The following BHLHE41 variants were observed in gnomAD, a reference collection of about 807,000 sequenced individuals.
BHLHE41 encodes the protein basic helix-loop-helix family member e41, also known as class E basic helix-loop-helix protein 41.
Under a neutral mutation model 24.0 loss-of-function variants are expected in BHLHE41, and 14 were observed. That is an observed-to-expected ratio of 0.58 (90% CI 0.39 to 0.91). The LOEUF (loss-of-function observed/expected upper bound fraction) is 0.91, where lower values mean the gene tolerates loss of function less well. BHLHE41 is among the 40% of genes least tolerant of loss of function. The probability of loss-of-function intolerance (pLI) is 0.00; values close to 1 mark genes in which losing one functional copy is unlikely to be tolerated. For missense variants in BHLHE41, 674 were observed against 655.4 expected (o/e 1.03, Z -0.31); for synonymous variants, 394 against 315.5 (o/e 1.25, Z -2.64).
chr12:26,122,738 C>T lies in BHLHE41; in HGVS notation c.777G>A (p.Gly259=). The T allele has an allele frequency of 6.3e-7, 1 of 1,595,908 alleles. No individual in the cohort carries two copies. Among genetic ancestry groups the T allele is most frequent in the Non-Finnish European group, 8.5e-7 (1 of 1,175,856 alleles). ...CCTGCTTGATGGTGACGCGGCTCGC[C>T]CCCGCGCCTTTGCCTTTCTCGCGGT... The part of the protein sequence containing the change: ...RPDREKGKGA[G]ASRVTIKQEP... The change falls in exon 5 of 5, where the codon GGG becomes GGA. Residue 259 remains glycine (G), a synonymous_variant. Coordinates refer to ENST00000242728, the MANE Select transcript of BHLHE41 (RefSeq NM_030762.3).
rs765207149 is a variant in BHLHE41, at chr12:26,124,527, C to T, written c.118G>A (p.Asp40Asn). The T allele has an allele frequency of 7.4e-6, 12 of 1,613,890 alleles. No individual in the cohort carries two copies. The highest frequency in any genetic ancestry group is 1.1e-5 in the South Asian group (1 of 91,056). The change falls in exon 2 of 5, where the codon GAC becomes AAC. Residue 40 changes from aspartate to asparagine, a missense_variant. Coordinates refer to ENST00000242728, the MANE Select transcript of BHLHE41 (RefSeq NM_030762.3). ...CGGGAACTTACACTTACCTTGGTGT[C>T]GTCTCGTTTCATGCTCCTTTTGGGT... Reference protein sequence around the residue: ...CKPKRSMKRDDTKDTYKLPHR... With the variant: ...CKPKRSMKRDNTKDTYKLPHR...
chr12:26,123,538 G>T (rs185157631), intron 4 of BHLHE41, 92 bp downstream of exon 4: 54 of 904,698 alleles, frequency 6.0e-5, no homozygotes, highest in Admixed American at 5.9e-4. Context: ...CCCACGGAAA[G>T]AGATGGGGTG....
Position 26,123,735 on chromosome 12 carries a change from C to G in BHLHE41, c.241G>C (p.Gly81Arg). 3 of 1,611,642 alleles carry G rather than the reference C, an allele frequency of 1.9e-6. No individual in the cohort carries two copies. Among genetic ancestry groups the G allele is most frequent in the Non-Finnish European group, 2.5e-6 (3 of 1,177,798 alleles). ...LPEHLKLTTLGHLEKAVVLEL... is the reference protein window; with the variant it reads ...LPEHLKLTTLRHLEKAVVLEL... ...AAGACTACAGCTTTCTCCAGATGTC[C>G]CAGAGTCTGCAGTGGTGCAAAAAAG... Residue 81 changes from glycine (G) to arginine (R), a missense_variant, in exon 4 of 5, where the codon GGA (glycine) becomes CGA (arginine). Coordinates refer to ENST00000242728, the MANE Select transcript of BHLHE41 (RefSeq NM_030762.3).
At position 26,122,298 on chromosome 12, in the gene BHLHE41, G is replaced by A; in HGVS notation, c.1217C>T (p.Ala406Val). ...GCAGGGGAACGCGGCGGCGGCGGCG[G>A]CAGCGGCGGCGGCGGCTGCCGCGGC... ...AAAAAAAAAA[A>V]AAAAAFPCLS... The change falls in exon 5 of 5, where the codon GCC (alanine) becomes GTC (valine). Residue 406 changes from alanine to valine, a missense_variant. By Grantham distance (64) the Ala-to-Val change is moderately conservative (BLOSUM62 0). This residue lies in a region of BHLHE41 where 602 missense variants were observed against 570.8 expected (regional missense o/e 1.05). Coordinates refer to ENST00000242728, the MANE Select transcript of BHLHE41 (RefSeq NM_030762.3). 1 of 1,186,038 alleles carries A rather than the reference G, an allele frequency of 8.4e-7. No individual in the cohort carries two copies. Among genetic ancestry groups the A allele is most frequent in the Non-Finnish European group, 1.0e-6 (1 of 959,300 alleles). 73.5% of individuals were successfully genotyped at this position (1,186,038 alleles called of 1,614,324 possible). A position where few individuals can be genotyped will look rare whatever the true frequency, so the allele number is the denominator to read the frequency against.
At position 26,121,991 on chromosome 12, in the gene BHLHE41, A is replaced by T. The variant is rs1944309428; in HGVS notation, c.*75T>A. On this transcript the variant is annotated 3_prime_UTR_variant, in exon 5 of 5. Transcript: ENST00000242728. ...GACCTTAAGGGTATTTTAACTTCTC[A>T]CTCTGCTTGAACCTCCTTAAGGGTA... 6.5e-7 allele frequency: 1 copy of T among 1,541,234 alleles called. No individual in the cohort carries two copies. Among genetic ancestry groups the T allele is most frequent in the African/African-American group, 1.4e-5 (1 of 72,328 alleles).
rs1565665003 is a variant in BHLHE41, at chr12:26,123,011, G to A, written c.504C>T (p.Ala168=). Residue 168 remains alanine (A), a synonymous_variant, in exon 5 of 5, where the codon GCC becomes GCT. Transcript: ENST00000242728. ...RCVQLINHLH[A]VATQFLPTPQ... ...GGGTGGGCAAGAACTGGGTGGCCAC[G>A]GCGTGCAAGTGGTTGATCAGCTGGA... 3 of 1,569,694 alleles carry A rather than the reference G, an allele frequency of 1.9e-6. No individual in the cohort carries two copies. The highest frequency in any genetic ancestry group is 2.6e-6 in the Non-Finnish European group (3 of 1,156,886).
rs1423078188 is a variant in BHLHE41 at position 26,123,658 on chromosome 12, C to T, written c.318G>A (p.Gln106=). 6.2e-7 allele frequency: 1 copy of T among 1,613,692 alleles called. No homozygotes were observed. The highest frequency in any genetic ancestry group is 8.5e-7 in the Non-Finnish European group (1 of 1,179,574). ...LKALTALTEQ[Q]HQKIIALQNG... ...TCTGTAAAGCAATTATCTTCTGATG[C>T]TGTTGCTCGGTTAAGGCGGTTAAAG... is the stretch of plus-strand genomic sequence containing the variant. The change falls in exon 4 of 5, where the codon CAG becomes CAA. Residue 106 remains glutamine, a synonymous_variant. Transcript: ENST00000242728.
At position 26,122,941 on chromosome 12, in the gene BHLHE41, C is replaced by T. The variant is rs372622178; in HGVS notation, c.574G>A (p.Ala192Thr). Residue 192 changes from alanine (A) to threonine (T), a missense_variant, in exon 5 of 5, where the codon GCT becomes ACT. Ala to Thr is a moderately conservative substitution (Grantham distance 58). Around this residue, in one of 3 missense-constraint regions of BHLHE41, gnomAD observed 602 missense variants for 570.8 expected, o/e 1.05. Coordinates refer to ENST00000242728, the MANE Select transcript of BHLHE41 (RefSeq NM_030762.3). ...GCCGCGGACCCGGCGGCCGAGGGAG[C>T]GCCGGTGCCTTTGCTCAGAGGGACC... Reference protein sequence around the residue: ...QQVPLSKGTGAPSAAGSAAAP... With the variant: ...QQVPLSKGTGTPSAAGSAAAP... The T allele has an allele frequency of 2.0e-5, 31 of 1,553,442 alleles. No homozygotes were observed. The highest frequency in any genetic ancestry group is 2.5e-5 in the Non-Finnish European group (29 of 1,148,116).
chr12:26,124,253 G>GCCACCCCCC, intron 2 of BHLHE41, 74 bp from the exon 3 acceptor site: 1 of 785,902 alleles, frequency 1.3e-6, no homozygotes, highest in South Asian at 1.5e-5. Context: ...ACCCTCGTCT[G>GCCACCCCCC]CCCCCCCCGC....
In BHLHE41 at chr12:26,124,804, G is replaced by C; in HGVS notation, c.-25C>G. Reference sequence around the variant, plus strand: ...TGTTCAACTGCTGTTCGTTTCCTCTGTTTCGATTTTTGGGGCTCTGTACAA... The same window carrying C: ...TGTTCAACTGCTGTTCGTTTCCTCTCTTTCGATTTTTGGGGCTCTGTACAA... On this transcript the variant is annotated 5_prime_UTR_variant, in exon 1 of 5. Transcript: ENST00000242728. The C allele has an allele frequency of 1.9e-6, 3 of 1,613,668 alleles. No homozygotes were observed. Among genetic ancestry groups the C allele is most frequent in the Non-Finnish European group, 2.5e-6 (3 of 1,179,638 alleles).
In BHLHE41 at chr12:26,122,119, G is replaced by T. The variant is rs1378450691; in HGVS notation, c.1396C>A (p.Pro466Thr). 2 of 1,549,418 alleles carry T rather than the reference G, an allele frequency of 1.3e-6. No homozygotes were observed. The highest frequency in any genetic ancestry group is 2.4e-5 in the South Asian group (2 of 83,980). Residue 466 changes from proline (P) to threonine (T), a missense_variant, in exon 5 of 5, where the codon CCG becomes ACG. Around this residue, in one of 3 missense-constraint regions of BHLHE41, gnomAD observed 602 missense variants for 570.8 expected, o/e 1.05. Coordinates refer to ENST00000242728, the MANE Select transcript of BHLHE41 (RefSeq NM_030762.3). ...PFAGPREPGNPESSAQEDPSQ... is the reference protein window; with the variant it reads ...PFAGPREPGNTESSAQEDPSQ... ...GGATCTTCCTGAGCAGAGCTCTCCG[G>T]GTTCCCCGGCTCGCGGGGCCCGGCG... is the stretch of plus-strand genomic sequence containing the variant.
chr12:26,121,795 G>A lies in BHLHE41; in HGVS notation c.*271C>T, dbSNP rs76060407. Reference sequence around the variant, plus strand: ...TGGGGGATTAAAAAAAAGAGCCAGTGTCTTTCGCATAGGATCTTTTACAGC... The same window carrying A: ...TGGGGGATTAAAAAAAAGAGCCAGTATCTTTCGCATAGGATCTTTTACAGC... On this transcript the variant is annotated 3_prime_UTR_variant, in exon 5 of 5. Coordinates refer to ENST00000242728, the MANE Select transcript of BHLHE41 (RefSeq NM_030762.3). 2.7e-3 allele frequency: 1,771 copies of A among 664,122 alleles called. 53 individuals are homozygous for A. In the East Asian group the frequency reaches 0.068, roughly 26 times the overall value. 41.1% of individuals were successfully genotyped at this position (664,122 alleles called of 1,614,324 possible).
At position 26,123,656 on chromosome 12, in the gene BHLHE41, T is replaced by A; in HGVS notation, c.320A>T (p.His107Leu). 5 of 1,613,814 alleles carry A rather than the reference T, an allele frequency of 3.1e-6. No homozygotes were observed. Among genetic ancestry groups the A allele is most frequent in the Non-Finnish European group, 3.4e-6 (4 of 1,179,650 alleles). The change falls in exon 4 of 5, where the codon CAT becomes CTT. Residue 107 changes from histidine to leucine, a missense_variant. Around this residue, in one of 3 missense-constraint regions of BHLHE41, gnomAD observed 602 missense variants for 570.8 expected, o/e 1.05. Transcript: ENST00000242728. Reference protein sequence around the residue: ...KALTALTEQQHQKIIALQNGE... With the variant: ...KALTALTEQQLQKIIALQNGE... Reference sequence around the variant, plus strand: ...ATTCTGTAAAGCAATTATCTTCTGATGCTGTTGCTCGGTTAAGGCGGTTAA... The same window carrying A: ...ATTCTGTAAAGCAATTATCTTCTGAAGCTGTTGCTCGGTTAAGGCGGTTAA...
Position 26,121,966 on chromosome 12 carries a change from G to A in BHLHE41, c.*100C>T. 6.5e-7 allele frequency: 1 copy of A among 1,538,142 alleles called. No homozygotes were observed. Among genetic ancestry groups the A allele is most frequent in the East Asian group, 2.5e-5 (1 of 40,264 alleles). On this transcript the variant is annotated 3_prime_UTR_variant, in exon 5 of 5. Coordinates refer to ENST00000242728, the MANE Select transcript of BHLHE41 (RefSeq NM_030762.3). ...CATCTATTACACTTCCTCCCTTAAA[G>A]ACCTTAAGGGTATTTTAACTTCTCA... is the stretch of plus-strand genomic sequence containing the variant.
chr12:26,122,243 C>T lies in BHLHE41; in HGVS notation c.1272G>A (p.Glu424=), dbSNP rs983513377. 20 of 1,276,854 alleles carry T rather than the reference C, an allele frequency of 1.6e-5. No homozygotes were observed. Among genetic ancestry groups the T allele is most frequent in the Non-Finnish European group, 1.9e-5 (19 of 1,014,690 alleles). The allele number at this position is 1,276,854 out of a possible 1,614,324, so 79.1% of individuals were successfully genotyped here. A position where few individuals can be genotyped will look rare whatever the true frequency, so the allele number is the denominator to read the frequency against. Residue 424 remains glutamate (E), a synonymous_variant, in exon 5 of 5, where the codon GAG becomes GAA. Coordinates refer to ENST00000242728, the MANE Select transcript of BHLHE41 (RefSeq NM_030762.3). ...CLSSVLSPPP[E]KAGAAAATLL... ...GGGTCGCGGCGGCGGCGCCCGCCTT[C>T]TCGGGAGGGGGCGACAACACCGAGG... is the stretch of plus-strand genomic sequence containing the variant.
In BHLHE41 at chr12:26,124,199, G is replaced by A. The variant is rs1944341121; in HGVS notation, c.127-20C>T. On this transcript the variant is annotated intron_variant, in intron 2 of 4. Transcript: ENST00000242728. ...GGTATCCTTAATATATGAGAGTCAT[G>A]GAAAAGAGAAAACAGTAAGCGAAAC... 11 of 1,495,786 alleles carry A rather than the reference G, an allele frequency of 7.4e-6. No individual in the cohort carries two copies. The highest frequency in any genetic ancestry group is 2.3e-5 in the East Asian group (1 of 44,322). 92.7% of individuals were successfully genotyped at this position (1,495,786 alleles called of 1,614,324 possible). A position where few individuals can be genotyped will look rare whatever the true frequency, so the allele number is the denominator to read the frequency against.
chr12:26,124,657 G>A, intron 1 of BHLHE41, 61 bp downstream of exon 1: 1 of 1,612,636 alleles, frequency 6.2e-7, no homozygotes, highest in Non-Finnish European at 8.5e-7. Flanking sequence ...ACCACTTTCT[G>A]GAGAAGAAAA....
chr12:26,124,707 G>A lies in BHLHE41; in HGVS notation c.62+11C>T, dbSNP rs763515356. 33 of 1,613,872 alleles carry A rather than the reference G, an allele frequency of 2.0e-5. No homozygotes were observed. The highest frequency in any genetic ancestry group is 1.0e-5 in the Non-Finnish European group (12 of 1,179,854). ...CCTAGACAGATATTCGCAAGGGTGC[G>A]TGCACCTTACCCTATAAAATCTCTA... On this transcript the variant is annotated intron_variant, in intron 1 of 4. Transcript: ENST00000242728.
rs1439891320 is a variant in BHLHE41, at chr12:26,121,840, A to T, written c.*226T>A. ...TACAGCTGGTGGGGGGAAGAAAGGG[A>T]TGTTAGTGTGTGGAGGGTGGGGTGG... On this transcript the variant is annotated 3_prime_UTR_variant, in exon 5 of 5. Coordinates refer to ENST00000242728, the MANE Select transcript of BHLHE41 (RefSeq NM_030762.3). 3.0e-6 allele frequency: 3 copies of T among 1,011,608 alleles called. No homozygotes were observed. The highest frequency in any genetic ancestry group is 4.1e-6 in the Non-Finnish European group (3 of 726,238). The allele number at this position is 1,011,608 out of a possible 1,614,324, so 62.7% of individuals were successfully genotyped here.
Sources: gnomAD v4.1 joint callset for allele counts on GRCh38, gnomAD v4.1.1 for gene constraint, gnomAD v4.1.1 regional missense constraint, MANE v1.5 for transcripts, NCBI Gene and HGNC (gene_info 2026-07-23, HGNC 2026-07-21) for gene names.